Variants in RAB8B observed in about 807,000 individuals in gnomAD.
RAB8B encodes the protein RAB8B, member RAS oncogene family.
RAB8B carries 11 observed loss-of-function variants against 32.0 expected under a neutral mutation model. The observed-to-expected ratio is 0.34, with a 90% CI of 0.22 to 0.57. The LOEUF (loss-of-function observed/expected upper bound fraction) is 0.57, where lower values mean the gene tolerates loss of function less well. Among genes scored for constraint, RAB8B ranks in the 20% least tolerant of loss-of-function variants. The probability of loss-of-function intolerance (pLI) is 0.86; values close to 1 mark genes in which losing one functional copy is unlikely to be tolerated. For synonymous variants in RAB8B, 103 were observed against 89.6 expected, an observed-to-expected ratio of 1.15 and a Z score of -0.85; for missense variants, 190 against 258.5, an observed-to-expected ratio of 0.73 and a Z score of 1.82.
chr15:63,217,697 A>G (rs889780955), intron 1 of RAB8B, among the ~76,000 whole-genome samples: 2 of 152,216 alleles, frequency 1.3e-5, no homozygotes, highest in Non-Finnish European at 2.9e-5. Flanking sequence ...ATATTTTATT[A>G]CCTTTAGCTT....
chr15:63,238,633 T>A (rs1202393548), intron 1 of RAB8B, among the ~76,000 whole-genome samples: 1 of 152,200 alleles, frequency 6.6e-6, no homozygotes, highest in East Asian at 1.9e-4. Flanking sequence ...ATTAATGAGA[T>A]AGGTTTGAGT....
chr15:63,249,783 C>T, intron 3 of RAB8B, 78 bp downstream of exon 3: 1 of 1,416,550 alleles, frequency 7.1e-7, no homozygotes, highest in Non-Finnish European at 9.8e-7. Context: ...TTATAGGATT[C>T]AAGATGGAGT....
intron 1 of RAB8B, among the ~76,000 whole-genome samples, chr15:63,204,155 G>A (rs542124144): frequency 1.3e-5 from 2 of 152,194 alleles, no homozygotes; most frequent in South Asian, 2.1e-4. Context: ...ATGAGCGGGA[G>A]CATTCATTTT....
chr15:63,222,171 C>T (rs534862039), intron 1 of RAB8B, among the ~76,000 whole-genome samples: 2 of 152,328 alleles, frequency 1.3e-5, no homozygotes, highest in Admixed American at 6.5e-5. Flanking sequence ...GAGACTGTTT[C>T]TCTCTGGCTT....
At chr15:63,197,392 A>G (rs2588861) in intron 1 of RAB8B, among the ~76,000 whole-genome samples, 93,489 of 102,170 alleles carry the variant, frequency 0.92, 42,509 homozygotes, top group East Asian at 0.96. Context: ...TTTTTTTTTT[A>G]AGACAGAGTC....
intron 1 of RAB8B, among the ~76,000 whole-genome samples, chr15:63,213,530 T>C (rs1289306292): frequency 2.0e-5 from 3 of 152,202 alleles, no homozygotes; most frequent in Non-Finnish European, 4.4e-5. Context: ...TTTATGACTA[T>C]AGATGATACC....
intron 3 of RAB8B, chr15:63,251,335 G>C (rs1384225315): frequency 4.4e-6 from 2 of 455,804 alleles, no homozygotes; most frequent in South Asian, 1.5e-5. Flanking sequence ...ATTTGGAATA[G>C]TTTACAGGTA....
In RAB8B at chr15:63,248,373, G is replaced by A. The variant is rs1986112; in HGVS notation, c.186-1272G>A. 0.38 allele frequency among the ~76,000 whole-genome samples: 57,976 copies of A among 151,898 alleles called. 11,461 individuals carry two copies. The highest frequency in any genetic ancestry group is 0.54 in the South Asian group (2,599 of 4,812). On this transcript the variant is annotated intron_variant, in intron 2 of 7. Coordinates refer to ENST00000321437, the MANE Select transcript of RAB8B (RefSeq NM_016530.3). This position sits in a 1 kb window ranked among gnomAD's most constrained non-coding sequence, Gnocchi z 4.4. ...TTAAAAATACAAAAATTAGCCTGGC[G>A]TGGTGGTGGGCTTCTGTAGTCCCAG...
chr15:63,251,430 G>C (rs904680423), intron 3 of RAB8B: 1 of 399,346 alleles, frequency 2.5e-6, no homozygotes, highest in African/African-American at 2.1e-5. Flanking sequence ...GACACCATTT[G>C]CATGCTCATT....
rs985779087 is a variant in RAB8B at position 63,264,154 on chromosome 15, A to T, written c.*535A>T. On this transcript the variant is annotated 3_prime_UTR_variant, in exon 8 of 8. Coordinates refer to ENST00000321437, the MANE Select transcript of RAB8B (RefSeq NM_016530.3). ...AAGAATCATTAAAGTCATTAAAAAAATTTACTGAAATGCCCATCTTGTCAT... is the reference window on the plus strand; with the variant it reads ...AAGAATCATTAAAGTCATTAAAAAATTTTACTGAAATGCCCATCTTGTCAT... The T allele has an allele frequency of 1.3e-5, 2 of 152,204 alleles. No individual in the cohort carries two copies. The highest frequency in any genetic ancestry group is 1.3e-4 in the Admixed American group (2 of 15,272). The allele number at this position is 152,204 out of a possible 1,614,324, so 9.4% of individuals were successfully genotyped here.
chr15:63,249,830 C>A, intron 3 of RAB8B, 125 bp downstream of exon 3: 1 of 1,080,020 alleles, frequency 9.3e-7, no homozygotes, highest in Non-Finnish European at 1.3e-6. Flanking sequence ...GATGGGGAAA[C>A]AAGACATTTA....
intron 3 of RAB8B, among the ~76,000 whole-genome samples, chr15:63,254,274 G>A (rs955289064): frequency 1.3e-5 from 2 of 152,108 alleles, no homozygotes; most frequent in African/African-American, 4.8e-5. Context: ...AGCCTCCCCT[G>A]CCCACTCCAG....
chr15:63,256,251 C>T (rs1183694597), intron 4 of RAB8B, among the ~76,000 whole-genome samples: 1 of 152,264 alleles, frequency 6.6e-6, no homozygotes, highest in African/African-American at 2.4e-5. Context: ...GTCATTAGAT[C>T]ACCATAAGCT....
intron 1 of RAB8B, among the ~76,000 whole-genome samples, chr15:63,212,644 T>C (rs960194040): frequency 6.6e-6 from 1 of 151,844 alleles, no homozygotes; most frequent in Non-Finnish European, 1.5e-5. Flanking sequence ...GAGGGGGAGG[T>C]GAAGGAAATT....
At position 63,240,192 on chromosome 15, in the gene RAB8B, C is replaced by T. The variant is rs75517100; in HGVS notation, c.125-4564C>T. On this transcript the variant is annotated intron_variant, in intron 1 of 7. Coordinates refer to ENST00000321437, the MANE Select transcript of RAB8B (RefSeq NM_016530.3). ...CTTAAATAGTGCAGTGACATTACCA[C>T]AGGGATTGTTGCAAGTTAGTCTAGA... is the stretch of plus-strand genomic sequence containing the variant. Among the ~76,000 whole-genome samples, 1,146 of 152,262 alleles carry T rather than the reference C, an allele frequency of 7.5e-3. 11 individuals carry two copies. Among genetic ancestry groups the T allele is most frequent in the African/African-American group, 0.023 (957 of 41,548 alleles).
chr15:63,230,939 GT>G (rs2141128157), intron 1 of RAB8B, among the ~76,000 whole-genome samples: 1 of 152,158 alleles, frequency 6.6e-6, no homozygotes, highest in African/African-American at 2.4e-5. Flanking sequence ...ATGACTTTAG[GT>G]TTTTCTCTAC....
At chr15:63,225,500 G>A (rs2037881131) in intron 1 of RAB8B, among the ~76,000 whole-genome samples, 1 of 152,128 alleles carries the variant, frequency 6.6e-6, no homozygotes, top group Admixed American at 6.5e-5. Context: ...TCAGCCTTTT[G>A]GGTGATAAAT....
intron 1 of RAB8B, among the ~76,000 whole-genome samples, chr15:63,208,643 C>G (rs1040146385): frequency 2.0e-5 from 3 of 152,146 alleles, no homozygotes; most frequent in Admixed American, 6.5e-5. Flanking sequence ...CCCAGAATGG[C>G]AGGTTCCAAG....
intron 1 of RAB8B, among the ~76,000 whole-genome samples, chr15:63,239,700 A>C (rs1857279730): frequency 6.6e-6 from 1 of 152,050 alleles, no homozygotes; most frequent in African/African-American, 2.4e-5. Flanking sequence ...GAGCCACCGC[A>C]CCTGGCCAAA....
Sources: allele counts gnomAD v4.1 joint callset (sites outside exome capture counted in the v4.1 genomes callset), GRCh38; gene constraint gnomAD v4.1.1; non-coding constraint Gnocchi (gnomAD v3.1); transcripts MANE v1.5; gene names NCBI Gene and HGNC (gene_info 2026-07-23, HGNC 2026-07-21).